ATP2B1: variants seen among roughly 807,000 people sequenced by gnomAD.
ATP2B1 encodes plasma membrane calcium-transporting ATPase 1.
A neutral mutation model predicts 124.2 loss-of-function variants in ATP2B1; 14 were observed. The observed-to-expected ratio is 0.11, with a 90% confidence interval of 0.07 to 0.18. ATP2B1 has a LOEUF of 0.18. ATP2B1 is among the 10% of genes least tolerant of loss of function. The pLI is 1.00. For synonymous variants in ATP2B1, 449 were observed against 492.4 expected (o/e 0.91, Z 1.17); for missense variants, 763 against 1,466.1 (o/e 0.52, Z 7.83).
At chr12:89,659,767 C>G (rs1886452772) in intron 1 of ATP2B1, among the ~76,000 whole-genome samples, 1 of 151,458 alleles carries the variant, frequency 6.6e-6, no homozygotes, top group Non-Finnish European at 1.5e-5. Flanking sequence ...CTAAAAAATA[C>G]AAAAAATTAG....
chr12:89,631,814 C>CTT (rs773593693), intron 5 of ATP2B1, among the ~76,000 whole-genome samples: 12 of 144,594 alleles, frequency 8.3e-5, no homozygotes, highest in East Asian at 2.0e-4. Flanking sequence ...GGTTATACAA[C>CTT]TTTTTTTTTT....
intron 20 of ATP2B1, chr12:89,593,701 C>A (rs914098347): frequency 6.6e-6 from 1 of 152,024 alleles, no homozygotes; most frequent in South Asian, 2.1e-4. Context: ...CACAATCACA[C>A]ACATACACCG....
At chr12:89,609,850 C>A in intron 15 of ATP2B1, 87 bp downstream of exon 15, 1 of 1,213,376 alleles carries the variant, frequency 8.2e-7, no homozygotes, top group Non-Finnish European at 1.2e-6. Flanking sequence ...GTTTAAAATC[C>A]ATAGTAATTT....
At chr12:89,659,483 G>A (rs1395041453) in intron 1 of ATP2B1, among the ~76,000 whole-genome samples, 1 of 152,166 alleles carries the variant, frequency 6.6e-6, no homozygotes, top group African/African-American at 2.4e-5. Flanking sequence ...AATCTTTACT[G>A]TGAATGGGTA....
At chr12:89,686,245 T>A (rs1371345726) in intron 1 of ATP2B1, among the ~76,000 whole-genome samples, 1 of 152,132 alleles carries the variant, frequency 6.6e-6, no homozygotes, top group African/African-American at 2.4e-5. Context: ...CTTGAGAAGA[T>A]AAACCAAAAG....
intron 15 of ATP2B1, among the ~76,000 whole-genome samples, chr12:89,607,467 A>C (rs1877138442): frequency 6.6e-6 from 1 of 152,178 alleles, no homozygotes; most frequent in African/African-American, 2.4e-5. Flanking sequence ...ATGTGCTGTG[A>C]ATTTTTAGGA....
chr12:89,615,577 A>C (rs1878815007), intron 12 of ATP2B1, among the ~76,000 whole-genome samples: 1 of 152,172 alleles, frequency 6.6e-6, no homozygotes, highest in African/African-American at 2.4e-5. Flanking sequence ...TTAGCTGATA[A>C]AGTCACTGAA....
chr12:89,606,071 C>T (rs973034911), intron 15 of ATP2B1, among the ~76,000 whole-genome samples: 4 of 138,070 alleles, frequency 2.9e-5, no homozygotes, highest in Non-Finnish European at 4.6e-5. Context: ...GTAGACCACA[C>T]AGATCAGGTT....
chr12:89,665,561 T>C (rs1887212302), intron 1 of ATP2B1, among the ~76,000 whole-genome samples: 1 of 152,250 alleles, frequency 6.6e-6, no homozygotes, highest in African/African-American at 2.4e-5. Flanking sequence ...TAATTTTATA[T>C]AATCCTGTGC....
chr12:89,665,517 A>G (rs1887203462), intron 1 of ATP2B1, among the ~76,000 whole-genome samples: 1 of 152,192 alleles, frequency 6.6e-6, no homozygotes, highest in South Asian at 2.1e-4. Flanking sequence ...GTTTCCTAGT[A>G]AAATAAGCTT....
chr12:89,695,242 C>A (rs2136780425), intron 1 of ATP2B1, among the ~76,000 whole-genome samples: 1 of 152,056 alleles, frequency 6.6e-6, no homozygotes, highest in African/African-American at 2.4e-5. Context: ...CATGTGCACA[C>A]ACTTACACTG....
At position 89,686,014 on chromosome 12, in the gene ATP2B1, C is replaced by G. The variant is rs561225905; in HGVS notation, c.-222+22582G>C. Among the ~76,000 whole-genome samples the G allele has an allele frequency of 9.2e-5, 14 of 152,220 alleles. No individual in the cohort carries two copies. The South Asian group carries it at 2.7e-3, about 29-fold the overall frequency. ...AGAAAATAAATTTCTGTTGTTTAAG[C>G]CACCTTGTCTGTAGCATTCTGTTAT... On this transcript the variant is annotated intron_variant, in intron 1 of 20. Coordinates refer to ENST00000428670, the MANE Select transcript of ATP2B1 (RefSeq NM_001366521.1).
chr12:89,601,338 T>C lies in ATP2B1; in HGVS notation c.3156A>G (p.Leu1052=). The C allele has an allele frequency of 1.3e-6, 2 of 1,564,738 alleles. No homozygotes were observed. The highest frequency in any genetic ancestry group is 1.7e-6 in the Non-Finnish European group (2 of 1,163,864). Residue 1052 remains leucine (L), a synonymous_variant, in exon 19 of 21, where the codon TTA becomes TTG. Transcript: ENST00000428670. ...LWSIFLGMGT[L]LWGQLISTIP... The stretch of plus-strand genomic sequence containing the variant: ...ATGAAATTTTTACCTGGCCCCAGAG[T>C]AATGTTCCCATTCCTAGGAATATTG...
In ATP2B1 at chr12:89,607,006, G is replaced by A. The variant is rs539969214; in HGVS notation, c.2443-2660C>T. 3.9e-5 allele frequency among the ~76,000 whole-genome samples: 6 copies of A among 152,194 alleles called. No individual in the cohort carries two copies. In the South Asian group the frequency reaches 1.2e-3, roughly 32 times the overall value. The stretch of plus-strand genomic sequence containing the variant: ...TAACATTTCTAAAAGTAACTCTATG[G>A]TGTTAATTGGTATTCAAATAAAAAC... On this transcript the variant is annotated intron_variant, in intron 15 of 20. Transcript: ENST00000428670.
intron 5 of ATP2B1, among the ~76,000 whole-genome samples, chr12:89,631,386 C>A (rs1233858039): frequency 6.6e-6 from 1 of 152,142 alleles, no homozygotes; most frequent in Non-Finnish European, 1.5e-5. Context: ...TATAAAGAAA[C>A]AACGTATGTA....
intron 6 of ATP2B1, among the ~76,000 whole-genome samples, chr12:89,627,924 G>C (rs61925159): frequency 6.6e-6 from 1 of 152,076 alleles, no homozygotes; most frequent in African/African-American, 2.4e-5. Context: ...ATAATTTAGG[G>C]TGTCTATATT....
intron 1 of ATP2B1, among the ~76,000 whole-genome samples, chr12:89,707,826 T>C (rs1892664632): frequency 6.6e-6 from 1 of 151,996 alleles, no homozygotes; most frequent in African/African-American, 2.4e-5. Context: ...CACAGGATTC[T>C]CCCGCAGGAT....
At chr12:89,623,842 A>G (rs764834678) in intron 9 of ATP2B1, among the ~76,000 whole-genome samples, 2 of 152,234 alleles carry the variant, frequency 1.3e-5, no homozygotes, top group Non-Finnish European at 2.9e-5. Context: ...TAGAAACATT[A>G]GCCTAACACG....
In ATP2B1 at chr12:89,630,551, TC is replaced by T; in HGVS notation, c.881del (p.Gly294GlufsTer43). 6.3e-7 allele frequency: 1 copy of T among 1,596,368 alleles called. No homozygotes were observed. Among genetic ancestry groups the T allele is most frequent in the Non-Finnish European group, 8.5e-7 (1 of 1,170,814 alleles). ...CATCTTTCTTCTCTTCCTCTTCACC[TC>T]CAGCTCCAAGTAAGGTAAAGATAAT... is the stretch of plus-strand genomic sequence containing the variant. ...TGIIFTLLGAGGEEEEKKDEK... is the reference protein window; with the variant it reads ...TGIIFTLLGAXGEEEEKKDEK... On this transcript the variant is annotated frameshift_variant, in exon 6 of 21. Coordinates refer to ENST00000428670, the MANE Select transcript of ATP2B1 (RefSeq NM_001366521.1). LOFTEE classifies it high-confidence loss of function.
Sources: gnomAD v4.1 joint callset for allele counts (sites outside exome capture counted in the v4.1 genomes callset) on GRCh38, gnomAD v4.1.1 for gene constraint, MANE v1.5 for transcripts, NCBI Gene and HGNC (gene_info 2026-07-23, HGNC 2026-07-21) for gene names.